TADA2A: variants seen among roughly 807,000 people sequenced by gnomAD.
TADA2A encodes transcriptional adaptor 2A, also known as transcriptional adapter 2-alpha.
A neutral mutation model predicts 67.4 loss-of-function variants in TADA2A; 38 were observed. That is an observed-to-expected ratio of 0.56 (90% CI 0.44 to 0.74). The LOEUF (loss-of-function observed/expected upper bound fraction) is 0.74, where lower values mean the gene tolerates loss of function less well. Ranked by LOEUF, TADA2A falls within the 30% of genes least tolerant of loss-of-function variation. The pLI, the probability that TADA2A is intolerant of heterozygous loss-of-function variation, is 0.00. For missense variants in TADA2A, 454 were observed against 547.0 expected, an observed-to-expected ratio of 0.83 and a Z score of 1.70; for synonymous variants, 192 against 181.6, an observed-to-expected ratio of 1.06 and a Z score of -0.46.
Position 37,420,809 on chromosome 17 carries a change from G to C in TADA2A, c.26-2700G>C. ...AGGCAAATACTGTTACAGAATGTGA[G>C]AAATCCTGTTCCAGGCTGAACAAAT... On this transcript the variant is annotated intron_variant, in intron 2 of 15. Coordinates refer to ENST00000615182, the MANE Select transcript of TADA2A (RefSeq NM_001166105.3). Among the ~76,000 whole-genome samples, 2 of 147,018 alleles carry C rather than the reference G, an allele frequency of 1.4e-5. 1 individual carries two copies.
intron 4 of TADA2A, among the ~76,000 whole-genome samples, chr17:37,430,095 A>AG (rs1568144721): frequency 5.9e-5 from 9 of 152,202 alleles, no homozygotes; most frequent in Non-Finnish European, 1.2e-4. Flanking sequence ...AGTCATGCTT[A>AG]TTCACTGTAG....
At chr17:37,437,861 C>T (rs1406318651) in intron 5 of TADA2A, 32 bp downstream of exon 5, 1 of 1,576,036 alleles carries the variant, frequency 6.3e-7, no homozygotes, top group Non-Finnish European at 8.7e-7. Context: ...TTGTCCTGCC[C>T]TAGTGGACTC....
chr17:37,450,078 A>C (rs1294175576), intron 8 of TADA2A, among the ~76,000 whole-genome samples: 1 of 152,160 alleles, frequency 6.6e-6, no homozygotes, highest in Non-Finnish European at 1.5e-5. Context: ...TGAGCTAAGG[A>C]ATAAAAAACA....
In TADA2A at chr17:37,440,615, A is replaced by G. The variant is rs1263454482; in HGVS notation, c.395A>G (p.Lys132Arg). Residue 132 changes from lysine to arginine, a missense_variant, in exon 6 of 16, where the codon AAA becomes AGA. Transcript: ENST00000615182. ...TTTGCATCTACCCTGCTGAACCTGAAACAAGCAGAGGAAGCAAAAACTGCT... is the reference window on the plus strand; with the variant it reads ...TTTGCATCTACCCTGCTGAACCTGAGACAAGCAGAGGAAGCAAAAACTGCT... ...PLFASTLLNL[K>R]QAEEAKTADT... The G allele has an allele frequency of 3.1e-6, 5 of 1,614,062 alleles. No individual in the cohort carries two copies. The African/African-American group carries it at 6.7e-5, about 22-fold the overall frequency.
intron 8 of TADA2A, among the ~76,000 whole-genome samples, chr17:37,456,560 A>G (rs1047229157): frequency 1.3e-5 from 2 of 152,200 alleles, no homozygotes; most frequent in African/African-American, 4.8e-5. Context: ...GAGGAGAAGG[A>G]GGAAGAATCC....
Position 37,444,737 on chromosome 17 carries a change from T to C in TADA2A, c.573T>C (p.Asp191=). ...NYAEWDLRDI[D]FVEDDSDILH... is the part of the protein sequence containing the mutation. ...CAGAATGGGACTTGAGAGACATTGA[T>C]TTTGTTGAAGATGACTCGGACATTT... The change falls in exon 8 of 16, where the codon GAT becomes GAC. Residue 191 remains aspartate, a synonymous_variant. Coordinates refer to ENST00000615182, the MANE Select transcript of TADA2A (RefSeq NM_001166105.3). 4 of 1,614,126 alleles carry C rather than the reference T, an allele frequency of 2.5e-6. No homozygotes were observed. The highest frequency in any genetic ancestry group is 3.4e-6 in the Non-Finnish European group (4 of 1,180,004).
intron 15 of TADA2A, 55 bp downstream of exon 15, chr17:37,474,684 G>A (rs981728921): frequency 1.3e-6 from 2 of 1,548,672 alleles, no homozygotes; most frequent in Non-Finnish European, 1.8e-6. Flanking sequence ...TATTCATTGA[G>A]TTGTCATTAA....
At chr17:37,455,928 G>A in intron 8 of TADA2A, among the ~76,000 whole-genome samples, 1 of 152,132 alleles carries the variant, frequency 6.6e-6, no homozygotes, top group Non-Finnish European at 1.5e-5. Context: ...ATGGGGCCGG[G>A]TGCAGTAGTT....
chr17:37,456,924 C>G (rs564360295), intron 8 of TADA2A, among the ~76,000 whole-genome samples: 15 of 152,068 alleles, frequency 9.9e-5, no homozygotes, highest in Non-Finnish European at 2.1e-4. Context: ...CTCCTTCTTC[C>G]CTGTGTCTTT....
chr17:37,459,791 C>T (rs1055633635), intron 9 of TADA2A, among the ~76,000 whole-genome samples: 85 of 151,506 alleles, frequency 5.6e-4, no homozygotes, highest in African/African-American at 2.0e-3. Context: ...TTAGACTGGG[C>T]GCGGTGGCTC....
At chr17:37,423,711 T>C in intron 3 of TADA2A, 96 bp downstream of exon 3, 1 of 948,306 alleles carries the variant, frequency 1.1e-6, no homozygotes, top group East Asian at 2.5e-5. Flanking sequence ...AGGAGATCTA[T>C]GTCTTATTAA....
chr17:37,466,143 G>A (rs1313611802), intron 11 of TADA2A, among the ~76,000 whole-genome samples: 4 of 152,122 alleles, frequency 2.6e-5, no homozygotes, highest in Non-Finnish European at 5.9e-5. Context: ...TTATGAGGCC[G>A]GGCGTGGTGG....
At position 37,423,587 on chromosome 17, in the gene TADA2A, G is replaced by A. The variant is rs751397194; in HGVS notation, c.104G>A (p.Gly35Glu). 1.9e-6 allele frequency: 3 copies of A among 1,612,684 alleles called. No homozygotes were observed. The highest frequency in any genetic ancestry group is 2.5e-6 in the Non-Finnish European group (3 of 1,179,752). The change falls in exon 3 of 16, where the codon GGG becomes GAG. Residue 35 changes from glycine (G) to glutamate (E), a missense_variant. By Grantham distance (98) the Gly-to-Glu change is moderately conservative (BLOSUM62 -2). Coordinates refer to ENST00000615182, the MANE Select transcript of TADA2A (RefSeq NM_001166105.3). ...CCTTATATCAAGTGTGCTGAATGTGGGCCACCTCCTTTTTTCCTCTGCTTG... is the reference window on the plus strand; with the variant it reads ...CCTTATATCAAGTGTGCTGAATGTGAGCCACCTCCTTTTTTCCTCTGCTTG... ...MEPYIKCAEC[G>E]PPPFFLCLQC...
At chr17:37,451,779 T>G (rs1051334128) in intron 8 of TADA2A, among the ~76,000 whole-genome samples, 1 of 150,158 alleles carries the variant, frequency 6.7e-6, no homozygotes, top group African/African-American at 2.5e-5. Context: ...AGGTCAGGAG[T>G]TTGAGATCAG....
chr17:37,458,403 G>T, intron 8 of TADA2A, 121 bp from the exon 9 acceptor site: 1 of 469,168 alleles, frequency 2.1e-6, no homozygotes, highest in Non-Finnish European at 3.3e-6. Context: ...AGTGAGTGTG[G>T]AGTAATTAGC....
At chr17:37,440,913 G>C (rs1206938170) in intron 6 of TADA2A, among the ~76,000 whole-genome samples, 1 of 152,086 alleles carries the variant, frequency 6.6e-6, no homozygotes, top group Non-Finnish European at 1.5e-5. Flanking sequence ...TGGCCAACAT[G>C]GCGAAACCCT....
chr17:37,459,815 C>T (rs985597655), intron 9 of TADA2A, among the ~76,000 whole-genome samples: 3 of 151,390 alleles, frequency 2.0e-5, no homozygotes, highest in Non-Finnish European at 4.4e-5. Flanking sequence ...CCTGTAATCC[C>T]AGCACTTTGG....
At chr17:37,462,613 T>C (rs776867936) in intron 10 of TADA2A, among the ~76,000 whole-genome samples, 2 of 151,824 alleles carry the variant, frequency 1.3e-5, no homozygotes, top group Non-Finnish European at 2.9e-5. Flanking sequence ...GCCTGGGCGA[T>C]AGAGCAAGAC....
At chr17:37,423,751 T>C (rs932248444) in intron 3 of TADA2A, 136 bp downstream of exon 3, 2 of 622,150 alleles carry the variant, frequency 3.2e-6, no homozygotes, top group African/African-American at 5.3e-5. Flanking sequence ...TCTTTTTCTT[T>C]CTTTTTTTTT....
Sources: gnomAD v4.1 joint callset for allele counts (sites outside exome capture counted in the v4.1 genomes callset) on GRCh38, gnomAD v4.1.1 for gene constraint, MANE v1.5 for transcripts, NCBI Gene and HGNC (gene_info 2026-07-23, HGNC 2026-07-21) for gene names.